Variants in CD164L2 observed in about 807,000 individuals in gnomAD.
The protein encoded by CD164L2 is CD164 sialomucin-like 2 protein.
CD164L2 carries 21 observed loss-of-function variants against 23.9 expected under a neutral mutation model. That is an observed-to-expected ratio of 0.88 (90% CI 0.62 to 1.27). The LOEUF is 1.27. CD164L2 is among the 50% of genes most tolerant of loss of function. The pLI is 0.00. For missense variants in CD164L2, 230 were observed against 224.8 expected (o/e 1.02, Z -0.15); for synonymous variants, 92 against 90.2 (o/e 1.02, Z -0.11).
At position 27,382,620 on chromosome 1, in the gene CD164L2, T is replaced by G; in HGVS notation, c.136A>C (p.Ile46Leu). Residue 46 changes from isoleucine (I) to leucine (L), a missense_variant, in exon 2 of 6, where the codon ATC (isoleucine) becomes CTC (leucine). Coordinates refer to ENST00000374030, the MANE Select transcript of CD164L2 (RefSeq NM_001330448.1). ...FGRGALIRLN[I>L]WPAVQGACKQ... ...CAGGCCCCTTGGACCGCCGGCCAGATATTCAGGCGGATCAGGGCTCCCCTC... is the reference window on the plus strand; with the variant it reads ...CAGGCCCCTTGGACCGCCGGCCAGAGATTCAGGCGGATCAGGGCTCCCCTC... 1 of 1,613,010 alleles carries G rather than the reference T, an allele frequency of 6.2e-7. No homozygotes were observed. The highest frequency in any genetic ancestry group is 8.5e-7 in the Non-Finnish European group (1 of 1,179,908).
intron 3 of CD164L2, chr1:27,382,051 C>T: frequency 6.8e-7 from 1 of 1,466,682 alleles, no homozygotes; most frequent in Non-Finnish European, 9.1e-7. Flanking sequence ...AGGAAGCACT[C>T]CCTCTCATTC....
chr1:27,379,289 A>C lies in CD164L2; in HGVS notation c.*214T>G. 1 of 605,274 alleles carries C rather than the reference A, an allele frequency of 1.7e-6. No homozygotes were observed. The highest frequency in any genetic ancestry group is 2.8e-5 in the East Asian group (1 of 35,962). 37.5% of individuals were successfully genotyped at this position (605,274 alleles called of 1,614,324 possible). ...CCCAGCAGGGGCGATGGAGGAGACGAGGTGGTTGAGGGATTTTCTCAGCTG... is the reference window on the plus strand; with the variant it reads ...CCCAGCAGGGGCGATGGAGGAGACGCGGTGGTTGAGGGATTTTCTCAGCTG... On this transcript the variant is annotated 3_prime_UTR_variant, in exon 6 of 6. Coordinates refer to ENST00000374030, the MANE Select transcript of CD164L2 (RefSeq NM_001330448.1).
At chr1:27,379,726 C>T in intron 5 of CD164L2, 1 of 1,448,980 alleles carries the variant, frequency 6.9e-7, no homozygotes, top group Non-Finnish European at 9.1e-7. Flanking sequence ...CTGCCCACAG[C>T]CACAGAAACG....
chr1:27,383,303 T>A lies in CD164L2; in HGVS notation c.-64A>T. 1 of 1,100,456 alleles carries A rather than the reference T, an allele frequency of 9.1e-7. No individual in the cohort carries two copies. The highest frequency in any genetic ancestry group is 1.3e-6 in the Non-Finnish European group (1 of 760,932). 68.2% of individuals were successfully genotyped at this position (1,100,456 alleles called of 1,614,324 possible). On this transcript the variant is annotated 5_prime_UTR_variant, in exon 1 of 6. Coordinates refer to ENST00000374030, the MANE Select transcript of CD164L2 (RefSeq NM_001330448.1). ...GATCGGTGGACAGCTGCCGGGCGCG[T>A]CCCTCCCAGACTGGGCTCGGCTGAG...
In CD164L2 at chr1:27,382,316, G is replaced by A; in HGVS notation, c.328+12C>T. 1 of 1,614,118 alleles carries A rather than the reference G, an allele frequency of 6.2e-7. No individual in the cohort carries two copies. Among genetic ancestry groups the A allele is most frequent in the Non-Finnish European group, 8.5e-7 (1 of 1,179,994 alleles). On this transcript the variant is annotated intron_variant, in intron 3 of 5. Coordinates refer to ENST00000374030, the MANE Select transcript of CD164L2 (RefSeq NM_001330448.1). ...CCCATGCAACTTGGCTTAGGTGCAA[G>A]AACCCCCTTACCTGGACATGCCTCT... is the stretch of plus-strand genomic sequence containing the variant.
intron 1 of CD164L2, 114 bp downstream of exon 1, chr1:27,383,038 T>C: frequency 1.2e-6 from 1 of 858,678 alleles, no homozygotes; most frequent in Non-Finnish European, 1.8e-6. Flanking sequence ...GGCCTGCACT[T>C]GGCCGGAAAG....
Position 27,381,832 on chromosome 1 carries a change from G to T in CD164L2, c.329-8C>A. The T allele has an allele frequency of 6.2e-7, 1 of 1,614,004 alleles. No homozygotes were observed. ...TGGGGTGGTGGTGAGCAGCTGAGGA[G>T]ACAGGTGATCCATAGCAAAGCAGCC... On this transcript the variant is annotated splice_polypyrimidine_tract_variant and splice_region_variant and intron_variant, in intron 3 of 5. Coordinates refer to ENST00000374030, the MANE Select transcript of CD164L2 (RefSeq NM_001330448.1).
At chr1:27,379,969 C>G (rs924521315) in intron 5 of CD164L2, 82 bp downstream of exon 5, 9 of 1,573,876 alleles carry the variant, frequency 5.7e-6, no homozygotes, top group East Asian at 4.5e-5. Context: ...AAGACAGCAC[C>G]CTGGGTACTG....
chr1:27,382,348 T>G lies in CD164L2; in HGVS notation c.308A>C (p.Asn103Thr). Reference protein sequence around the residue: ...EVVKEGCSIYNRSEACPAAHH... With the variant: ...EVVKEGCSIYTRSEACPAAHH... ...CTTACCTGGACATGCCTCTGAGCGG[T>G]TGTAGATGGAGCAACCTTCCTTGAC... The change falls in exon 3 of 6, where the codon AAC (asparagine) becomes ACC (threonine). Residue 103 changes from asparagine to threonine, a missense_variant. Transcript: ENST00000374030. 2 of 1,613,778 alleles carry G rather than the reference T, an allele frequency of 1.2e-6. No individual in the cohort carries two copies. The highest frequency in any genetic ancestry group is 2.2e-5 in the South Asian group (2 of 91,048).
intron 3 of CD164L2, 133 bp from the exon 4 acceptor site, chr1:27,381,957 T>G (rs1367447308): frequency 7.2e-7 from 1 of 1,386,446 alleles, no homozygotes; most frequent in Non-Finnish European, 9.9e-7. Context: ...CCAACATACT[T>G]GCAAGCCCCA....
intron 1 of CD164L2, 80 bp from the exon 2 acceptor site, chr1:27,382,747 C>A: frequency 7.0e-7 from 1 of 1,425,186 alleles, no homozygotes; most frequent in Non-Finnish European, 9.4e-7. Context: ...CCCAACACTC[C>A]GGTGGCCCTC....
At chr1:27,382,127 C>T in intron 3 of CD164L2, 1 of 1,519,334 alleles carries the variant, frequency 6.6e-7, no homozygotes, top group South Asian at 1.3e-5. Context: ...CCCATCCCCT[C>T]CACACACCTG....
chr1:27,383,069 G>T, intron 1 of CD164L2, 83 bp downstream of exon 1: 1 of 1,207,422 alleles, frequency 8.3e-7, no homozygotes. Context: ...TCAAGCCCAG[G>T]CTGCTCCTGG....
chr1:27,383,299 C>G lies in CD164L2; in HGVS notation c.-60G>C. On this transcript the variant is annotated 5_prime_UTR_variant, in exon 1 of 6. Transcript: ENST00000374030. ...CCGGGATCGGTGGACAGCTGCCGGG[C>G]GCGTCCCTCCCAGACTGGGCTCGGC... 1 of 1,130,142 alleles carries G rather than the reference C, an allele frequency of 8.8e-7. No individual in the cohort carries two copies. The highest frequency in any genetic ancestry group is 1.3e-6 in the Non-Finnish European group (1 of 787,032). 70.0% of individuals were successfully genotyped at this position (1,130,142 alleles called of 1,614,324 possible).
chr1:27,383,247 C>T lies in CD164L2; in HGVS notation c.-8G>A. ...GGGTCCCGGAGCCTCCATGGGCTCG[C>T]GGGGTGGGGGTGGCCGGGGGCGGTG... On this transcript the variant is annotated 5_prime_UTR_variant, in exon 1 of 6. Coordinates refer to ENST00000374030, the MANE Select transcript of CD164L2 (RefSeq NM_001330448.1). 2 of 1,510,776 alleles carry T rather than the reference C, an allele frequency of 1.3e-6. No homozygotes were observed. Among genetic ancestry groups the T allele is most frequent in the Non-Finnish European group, 8.9e-7 (1 of 1,118,776 alleles). 93.6% of individuals were successfully genotyped at this position (1,510,776 alleles called of 1,614,324 possible).
At chr1:27,379,836 G>T in intron 5 of CD164L2, 1 of 1,469,714 alleles carries the variant, frequency 6.8e-7, no homozygotes, top group Non-Finnish European at 8.9e-7. Flanking sequence ...CTCCTAGACT[G>T]GCCCAGGCTG....
In CD164L2 at chr1:27,381,825, C is replaced by T. The variant is rs776187071; in HGVS notation, c.329-1G>A. The T allele has an allele frequency of 1.9e-6, 3 of 1,613,892 alleles. No homozygotes were observed. The African/African-American group carries it at 4.0e-5, about 22-fold the overall frequency. ...TCATAGGTGGGGTGGTGGTGAGCAG[C>T]TGAGGAGACAGGTGATCCATAGCAA... is the stretch of plus-strand genomic sequence containing the variant. On this transcript the variant is annotated splice_acceptor_variant, in intron 3 of 5. Transcript: ENST00000374030. LOFTEE classifies it high-confidence loss of function.
At position 27,383,270 on chromosome 1, in the gene CD164L2, G is replaced by A. The variant is rs1023313080; in HGVS notation, c.-31C>T. On this transcript the variant is annotated 5_prime_UTR_variant, in exon 1 of 6. Transcript: ENST00000374030. ...CGCGGGGTGGGGGTGGCCGGGGGCG[G>A]TGGCCGGGATCGGTGGACAGCTGCC... 4.2e-6 allele frequency: 6 copies of A among 1,414,662 alleles called. No homozygotes were observed. In the Admixed American group the frequency reaches 1.2e-4, roughly 28 times the overall value. The allele number at this position is 1,414,662 out of a possible 1,614,324, so 87.6% of individuals were successfully genotyped here. A position where few individuals can be genotyped will look rare whatever the true frequency, so the allele number is the denominator to read the frequency against.
Position 27,383,248 on chromosome 1 carries a change from G to C in CD164L2, c.-9C>G. On this transcript the variant is annotated 5_prime_UTR_variant, in exon 1 of 6. Transcript: ENST00000374030. ...GGTCCCGGAGCCTCCATGGGCTCGC[G>C]GGGTGGGGGTGGCCGGGGGCGGTGG... is the stretch of plus-strand genomic sequence containing the variant. 6.5e-7 allele frequency: 1 copy of C among 1,532,974 alleles called. No individual in the cohort carries two copies. The highest frequency in any genetic ancestry group is 8.8e-7 in the Non-Finnish European group (1 of 1,139,204). 95.0% of individuals were successfully genotyped at this position (1,532,974 alleles called of 1,614,324 possible). A position where few individuals can be genotyped will look rare whatever the true frequency, so the allele number is the denominator to read the frequency against.
Sources: allele counts gnomAD v4.1 joint callset, GRCh38; gene constraint gnomAD v4.1.1; transcripts MANE v1.5; gene names NCBI Gene and HGNC (gene_info 2026-07-23, HGNC 2026-07-21).